The following PRKG1 variants were observed in gnomAD, a reference collection of about 807,000 sequenced individuals.
PRKG1 encodes the protein protein kinase cGMP-dependent 1, also known as cGMP-dependent protein kinase 1.
Under a neutral mutation model 88.1 loss-of-function variants are expected in PRKG1, and 35 were observed. The ratio of observed to expected loss-of-function variants is 0.40; its 90% confidence interval spans 0.30 to 0.53. The LOEUF is 0.53. Ranked by LOEUF, PRKG1 falls within the 20% of genes least tolerant of loss-of-function variation. The pLI, the probability that PRKG1 is intolerant of heterozygous loss-of-function variation, is 0.59. For missense variants in PRKG1, 540 were observed against 839.8 expected (o/e 0.64, Z 4.41); for synonymous variants, 303 against 292.5 (o/e 1.04, Z -0.37).
At chr10:51,021,371 A>T (rs2132735119) in intron 1 of PRKG1, among the ~76,000 whole-genome samples, 1 of 152,104 alleles carries the variant, frequency 6.6e-6, no homozygotes, top group African/African-American at 2.4e-5. Flanking sequence ...AGAATAGCCC[A>T]CCCTCTTGCT....
At chr10:51,900,964 T>C (rs1231842967) in intron 4 of PRKG1, among the ~76,000 whole-genome samples, 3 of 152,162 alleles carry the variant, frequency 2.0e-5, no homozygotes, top group Admixed American at 2.0e-4. Context: ...TTAATAACTT[T>C]TACTATTTCA....
chr10:51,140,293 C>T (rs899813631), intron 1 of PRKG1, among the ~76,000 whole-genome samples: 1 of 152,070 alleles, frequency 6.6e-6, no homozygotes, highest in Non-Finnish European at 1.5e-5. Flanking sequence ...AGAGGTACTA[C>T]TAAAATTTTA....
chr10:51,771,637 C>A (rs1178851106), intron 3 of PRKG1, among the ~76,000 whole-genome samples: 1 of 152,020 alleles, frequency 6.6e-6, no homozygotes. Context: ...TATATAACAT[C>A]ATTAAATAAA....
chr10:51,632,294 A>G lies in PRKG1; in HGVS notation c.592+164458A>G, dbSNP rs574640736. 5.9e-5 allele frequency among the ~76,000 whole-genome samples: 9 copies of G among 152,296 alleles called. No individual in the cohort carries two copies. In the South Asian group the frequency reaches 1.7e-3, roughly 28 times the overall value. ...TGACCCCCATGTGATTTTAAAGAAT[A>G]TACTGTACAGGTTGTTTTGGGGATG... is the stretch of plus-strand genomic sequence containing the variant. On this transcript the variant is annotated intron_variant, in intron 3 of 17. Transcript: ENST00000373980.
chr10:51,773,260 C>T (rs142294025), intron 3 of PRKG1, among the ~76,000 whole-genome samples: 5 of 152,028 alleles, frequency 3.3e-5, no homozygotes, highest in Admixed American at 2.0e-4. Flanking sequence ...TTGTATTATA[C>T]CAGGTAAACT....
chr10:52,194,691 T>G (rs9416042), intron 9 of PRKG1, among the ~76,000 whole-genome samples: 151,630 of 152,240 alleles, frequency 1, 75,513 homozygotes, highest in Middle Eastern at 1. Context: ...AAAGTAAATT[T>G]CAATTTAGCT....
intron 5 of PRKG1, among the ~76,000 whole-genome samples, chr10:51,952,205 T>C (rs1843201430): frequency 6.6e-6 from 1 of 152,234 alleles, no homozygotes; most frequent in Non-Finnish European, 1.5e-5. Context: ...TGACCTGATG[T>C]TTGTCCAAAT....
intron 3 of PRKG1, among the ~76,000 whole-genome samples, chr10:51,492,907 T>C (rs900410499): frequency 6.6e-5 from 10 of 152,266 alleles, no homozygotes; most frequent in Middle Eastern, 6.8e-3. Flanking sequence ...AAAAGATTAT[T>C]AGATCTTTTA....
intron 3 of PRKG1, among the ~76,000 whole-genome samples, chr10:51,727,176 C>T (rs1293289229): frequency 1.3e-5 from 2 of 151,728 alleles, no homozygotes; most frequent in African/African-American, 2.4e-5. Context: ...CATGATGACA[C>T]ACACCTGTGG....
intron 5 of PRKG1, among the ~76,000 whole-genome samples, chr10:51,912,466 G>A (rs1280102733): frequency 1.3e-5 from 2 of 152,170 alleles, no homozygotes; most frequent in Non-Finnish European, 2.9e-5. Flanking sequence ...AATAACCCAG[G>A]TGAGGGTGGA....
chr10:51,583,839 G>T (rs1431264643), intron 3 of PRKG1, among the ~76,000 whole-genome samples: 2 of 152,030 alleles, frequency 1.3e-5, no homozygotes, highest in South Asian at 4.1e-4. Flanking sequence ...TTTTTCTTAG[G>T]ATTAATTCAC....
chr10:52,041,028 G>A (rs1346801633), intron 5 of PRKG1, among the ~76,000 whole-genome samples: 4 of 151,588 alleles, frequency 2.6e-5, no homozygotes, highest in East Asian at 1.9e-4. Context: ...TAGTAGAGAC[G>A]AGGTTTTACC....
At chr10:52,146,978 C>A (rs1026386767) in intron 8 of PRKG1, among the ~76,000 whole-genome samples, 1 of 152,002 alleles carries the variant, frequency 6.6e-6, no homozygotes, top group Non-Finnish European at 1.5e-5. Flanking sequence ...CATCACCGTC[C>A]TAAAAGAGTT....
At chr10:51,805,004 C>T (rs1040152477) in intron 4 of PRKG1, among the ~76,000 whole-genome samples, 7 of 151,954 alleles carry the variant, frequency 4.6e-5, no homozygotes, top group Non-Finnish European at 7.4e-5. Flanking sequence ...CTCAGAGAAA[C>T]AAATAAAAGT....
intron 9 of PRKG1, among the ~76,000 whole-genome samples, chr10:52,173,391 A>G (rs1332034079): frequency 1.3e-5 from 2 of 152,226 alleles, no homozygotes; most frequent in Non-Finnish European, 2.9e-5. Flanking sequence ...ATAAAATGCC[A>G]TTAGAAAATT....
At chr10:51,576,821 T>C (rs1837901144) in intron 3 of PRKG1, among the ~76,000 whole-genome samples, 1 of 152,004 alleles carries the variant, frequency 6.6e-6, no homozygotes, top group South Asian at 2.1e-4. Context: ...AGTAATTTTT[T>C]TCATTTTCTA....
intron 2 of PRKG1, among the ~76,000 whole-genome samples, chr10:51,188,849 T>C (rs528111531): frequency 1.3e-5 from 2 of 151,998 alleles, no homozygotes; most frequent in South Asian, 4.1e-4. Context: ...AATTCAAGGC[T>C]CAGAATCTCC....
chr10:51,165,335 G>A lies in PRKG1; in HGVS notation c.478+12005G>A, dbSNP rs557616151. Among the ~76,000 whole-genome samples the A allele has an allele frequency of 9.8e-3, 1,484 of 151,694 alleles. 35 individuals carry two copies. The highest frequency in any genetic ancestry group is 0.034 in the African/African-American group (1,398 of 41,434). ...TGAAGGAGAAATAAAATCCTTTACAGACAAGCAAATGCTGAGAGATTTTGT... is the reference window on the plus strand; with the variant it reads ...TGAAGGAGAAATAAAATCCTTTACAAACAAGCAAATGCTGAGAGATTTTGT... On this transcript the variant is annotated intron_variant, in intron 2 of 17. Transcript: ENST00000373980.
intron 2 of PRKG1, among the ~76,000 whole-genome samples, chr10:51,313,821 G>T (rs1841253686): frequency 6.6e-6 from 1 of 151,978 alleles, no homozygotes; most frequent in African/African-American, 2.4e-5. Flanking sequence ...CCAAATAAAA[G>T]GCCTACATAC....
Sources: gnomAD v4.1 joint callset for allele counts (sites outside exome capture counted in the v4.1 genomes callset) on GRCh38, gnomAD v4.1.1 for gene constraint, MANE v1.5 for transcripts, NCBI Gene and HGNC (gene_info 2026-07-23, HGNC 2026-07-21) for gene names.